NT5DC3: variants seen among roughly 807,000 people sequenced by gnomAD.
The protein encoded by NT5DC3 is 5'-nucleotidase domain-containing protein 3.
A neutral mutation model predicts 67.8 loss-of-function variants in NT5DC3; 42 were observed. That is an observed-to-expected ratio of 0.62 (90% CI 0.48 to 0.80). NT5DC3 has a LOEUF of 0.80. NT5DC3 is among the 30% of genes least tolerant of loss of function. NT5DC3 has a pLI of 0.00. For missense variants in NT5DC3, 570 were observed against 696.4 expected, an observed-to-expected ratio of 0.82 and a Z score of 2.04; for synonymous variants, 237 against 255.6, an observed-to-expected ratio of 0.93 and a Z score of 0.69.
intron 1 of NT5DC3, among the ~76,000 whole-genome samples, chr12:103,831,843 T>C (rs1441525414): frequency 6.8e-6 from 1 of 147,538 alleles, no homozygotes; most frequent in Non-Finnish European, 1.5e-5. Flanking sequence ...CGGTGTGATC[T>C]CGGCTCACTG....
At chr12:103,760,246 A>G in the NT5DC3 span, among the ~76,000 whole-genome samples, 2 of 152,086 alleles carry the variant, frequency 1.3e-5, no homozygotes, top group Non-Finnish European at 2.9e-5. Flanking sequence ...TAATGCCACA[A>G]TGGTGTGTGG....
At chr12:103,800,580 C>T (rs1049549159) in intron 4 of NT5DC3, among the ~76,000 whole-genome samples, 5 of 152,254 alleles carry the variant, frequency 3.3e-5, no homozygotes, top group South Asian at 2.1e-4. Context: ...AACCAAATGG[C>T]GGCTCAGAAG....
chr12:103,802,689 C>T (rs1320698139), intron 4 of NT5DC3, among the ~76,000 whole-genome samples: 3 of 152,074 alleles, frequency 2.0e-5, no homozygotes, highest in Non-Finnish European at 4.4e-5. Context: ...AGCAATTTGG[C>T]CCCTGGAGCC....
In NT5DC3 at chr12:103,793,269, G is replaced by A. The variant is rs1015309944; in HGVS notation, c.918-4C>T. ...GATATAACTCATCCCTTTGTCCCTA[G>A]GGCAACAAGTCAGCCAGGTTAGTCT... On this transcript the variant is annotated splice_polypyrimidine_tract_variant and splice_region_variant and intron_variant, in intron 8 of 13. Transcript: ENST00000392876. 3.1e-6 allele frequency: 5 copies of A among 1,604,766 alleles called. No homozygotes were observed. In the African/African-American group the frequency reaches 4.0e-5, roughly 13 times the overall value.
At chr12:103,836,426 A>G (rs1888150978) in intron 1 of NT5DC3, among the ~76,000 whole-genome samples, 1 of 152,170 alleles carries the variant, frequency 6.6e-6, no homozygotes. Context: ...ATTGGCCAAA[A>G]CAAAGGGGTT....
chr12:103,840,949 C>T lies in NT5DC3; in HGVS notation c.208G>A (p.Glu70Lys). 1 of 1,358,070 alleles carries T rather than the reference C, an allele frequency of 7.4e-7. No individual in the cohort carries two copies. Among genetic ancestry groups the T allele is most frequent in the African/African-American group, 1.5e-5 (1 of 65,654 alleles). 84.1% of individuals were successfully genotyped at this position (1,358,070 alleles called of 1,614,324 possible). A position where few individuals can be genotyped will look rare whatever the true frequency, so the allele number is the denominator to read the frequency against. ...RYREAKRSTE[E>K]LVPSIMSNLL... ...GGGGCGGGGTCGCCGCCTCACTCAC[C>T]TTCTGTGCTTCTCTTCGCCTCCCGG... is the stretch of plus-strand genomic sequence containing the variant. Residue 70 changes from glutamate (E) to lysine (K), a missense_variant and splice_region_variant, in exon 1 of 14, where the codon GAA becomes AAA. Transcript: ENST00000392876.
intron 4 of NT5DC3, among the ~76,000 whole-genome samples, chr12:103,801,372 C>CTTTTTTTTTTTTTTT (rs869237844): frequency 2.5e-5 from 2 of 78,940 alleles, no homozygotes; most frequent in African/African-American, 1.1e-4. Flanking sequence ...TTGGGGTGGG[C>CTTTTTTTTTTTTTTT]TTTTTTTTTT....
At chr12:103,811,445 C>T (rs1887028525) in intron 2 of NT5DC3, among the ~76,000 whole-genome samples, 1 of 152,022 alleles carries the variant, frequency 6.6e-6, no homozygotes, top group Non-Finnish European at 1.5e-5. Context: ...GGATGAAAAC[C>T]ACACTTCACC....
At chr12:103,755,611 G>A in the NT5DC3 span, 19 of 1,613,980 alleles carry the variant, frequency 1.2e-5, no homozygotes, top group Non-Finnish European at 1.6e-5. Flanking sequence ...CTGCCCTCCA[G>A]ATGTGAACTG....
the NT5DC3 span, among the ~76,000 whole-genome samples, chr12:103,759,618 T>C: frequency 2.0e-5 from 3 of 152,164 alleles, no homozygotes; most frequent in Admixed American, 2.0e-4. Context: ...GTTCTGCCAC[T>C]TGCTAACTGT....
intron 1 of NT5DC3, among the ~76,000 whole-genome samples, chr12:103,815,990 C>T (rs1887234128): frequency 6.6e-6 from 1 of 152,088 alleles, no homozygotes; most frequent in South Asian, 2.1e-4. Context: ...TTGCTGCCAA[C>T]ATTCTTCTAT....
chr12:103,759,301 G>GGAGATTATCT, the NT5DC3 span: 3 of 1,608,958 alleles, frequency 1.9e-6, no homozygotes, highest in Non-Finnish European at 2.5e-6. Flanking sequence ...CTTCTTGGGG[G>GGAGATTATCT]AACGGGAGAT....
the NT5DC3 span, among the ~76,000 whole-genome samples, chr12:103,757,648 G>A: frequency 6.6e-6 from 1 of 152,190 alleles, no homozygotes; most frequent in African/African-American, 2.4e-5. Context: ...TGCAGACTTA[G>A]GGGAAGAACA....
chr12:103,817,766 TG>T (rs2139430202), intron 1 of NT5DC3, among the ~76,000 whole-genome samples: 1 of 152,132 alleles, frequency 6.6e-6, no homozygotes, highest in South Asian at 2.1e-4. Flanking sequence ...CCAGAATCTA[TG>T]TTCTTAACTC....
At chr12:103,806,280 G>A (rs772921476) in intron 4 of NT5DC3, 42 bp downstream of exon 4, 1 of 1,307,282 alleles carries the variant, frequency 7.6e-7, no homozygotes, top group Non-Finnish European at 1.1e-6. Flanking sequence ...CAAAGCACCT[G>A]GTTACTTCAC....
downstream of NT5DC3, chr12:103,770,806 CTT>C (rs1885164216): frequency 6.6e-6 from 1 of 152,194 alleles, no homozygotes; most frequent in East Asian, 1.9e-4. Context: ...GTGTTGAAAT[CTT>C]TACCCCCAAG....
the NT5DC3 span, among the ~76,000 whole-genome samples, chr12:103,747,401 T>C: frequency 6.6e-6 from 1 of 152,162 alleles, no homozygotes; most frequent in Non-Finnish European, 1.5e-5. Flanking sequence ...TGAAAGCTCA[T>C]TTTGGGGGCT....
chr12:103,829,531 T>C (rs1887836023), intron 1 of NT5DC3, among the ~76,000 whole-genome samples: 2 of 152,246 alleles, frequency 1.3e-5, no homozygotes, highest in Non-Finnish European at 1.5e-5. Context: ...TGTTTTGGAG[T>C]ACATCTCTTA....
intron 1 of NT5DC3, among the ~76,000 whole-genome samples, chr12:103,824,142 T>C (rs1171626921): frequency 6.6e-6 from 1 of 152,256 alleles, no homozygotes; most frequent in Non-Finnish European, 1.5e-5. Flanking sequence ...CTTAATATCC[T>C]TTCTGCTAAT....
Sources: gnomAD v4.1 joint callset for allele counts (sites outside exome capture counted in the v4.1 genomes callset) on GRCh38, gnomAD v4.1.1 for gene constraint, MANE v1.5 for transcripts, NCBI Gene and HGNC (gene_info 2026-07-23, HGNC 2026-07-21) for gene names.